Variants in MC2R observed in about 807,000 individuals in gnomAD.
The protein encoded by MC2R is adrenocorticotropic hormone receptor.
Under a neutral mutation model 9.8 loss-of-function variants are expected in MC2R, and 9 were observed. The ratio of observed to expected loss-of-function variants is 0.92; its 90% confidence interval spans 0.55 to 1.60. The LOEUF (loss-of-function observed/expected upper bound fraction) is 1.60. Among genes scored for constraint, MC2R ranks in the 40% most tolerant of loss-of-function variants. The probability of loss-of-function intolerance (pLI) is 0.00; values close to 1 mark genes in which losing one functional copy is unlikely to be tolerated. For missense variants in MC2R, 370 were observed against 389.0 expected (o/e 0.95, Z 0.41); for synonymous variants, 185 against 154.7 (o/e 1.20, Z -1.45).
At chr18:13,913,449 C>T (rs12456719) in intron 1 of MC2R, among the ~76,000 whole-genome samples, 79,655 of 152,028 alleles carry the variant, frequency 0.52, 22,056 homozygotes, top group African/African-American at 0.71. Context: ...ACATGTTGTT[C>T]TCCCACCAAG....
At chr18:13,889,341 GAT>G (rs1365104599) in intron 1 of MC2R, among the ~76,000 whole-genome samples, 3 of 152,210 alleles carry the variant, frequency 2.0e-5, no homozygotes, top group Non-Finnish European at 2.9e-5. Context: ...TGGGGTGGTG[GAT>G]GAGAAAGGAG....
At chr18:13,911,434 C>T (rs1189260436) in intron 1 of MC2R, among the ~76,000 whole-genome samples, 1 of 152,162 alleles carries the variant, frequency 6.6e-6, no homozygotes, top group East Asian at 1.9e-4. Context: ...GTTTAGTTAG[C>T]CAAACAAATG....
rs752471165 is a variant in MC2R, at chr18:13,884,876, T to C, written c.643A>G (p.Met215Val). The change falls in exon 2 of 2, where the codon ATG (methionine) becomes GTG (valine). Residue 215 changes from methionine to valine, a missense_variant. Coordinates refer to ENST00000327606, the MANE Select transcript of MC2R (RefSeq NM_000529.2). The part of the protein sequence containing the change: ...RKISTLPRAN[M>V]KGAITLTILL... ...ATGGTCAGTGTGATGGCCCCTTTCA[T>C]GTTGGCTCTGGGGAGGGTGGAGATC... 1 of 1,614,032 alleles carries C rather than the reference T, an allele frequency of 6.2e-7. No individual in the cohort carries two copies. Among genetic ancestry groups the C allele is most frequent in the Non-Finnish European group, 8.5e-7 (1 of 1,180,002 alleles).
At chr18:13,896,601 T>A (rs917880637) in intron 1 of MC2R, among the ~76,000 whole-genome samples, 1 of 152,194 alleles carries the variant, frequency 6.6e-6, no homozygotes, top group Non-Finnish European at 1.5e-5. Context: ...TTATTCAAAA[T>A]CCAGGTAGCA....
Position 13,894,038 on chromosome 18 carries a change from C to T in MC2R, c.-128-8392G>A, listed in dbSNP as rs74442597. ...AGTGATAATAAATCTCTGTGTCTCACCTCTGCTCACTCATCTTTCTCCTTA... is the reference window on the plus strand; with the variant it reads ...AGTGATAATAAATCTCTGTGTCTCATCTCTGCTCACTCATCTTTCTCCTTA... On this transcript the variant is annotated intron_variant, in intron 1 of 1. Coordinates refer to ENST00000327606, the MANE Select transcript of MC2R (RefSeq NM_000529.2). Among the ~76,000 whole-genome samples the T allele has an allele frequency of 1.8e-3, 268 of 152,258 alleles. 1 individual carries two copies. Among genetic ancestry groups the T allele is most frequent in the Non-Finnish European group, 2.5e-3 (171 of 68,030 alleles).
chr18:13,914,914 G>T (rs1941088), intron 1 of MC2R, among the ~76,000 whole-genome samples: 1 of 152,052 alleles, frequency 6.6e-6, no homozygotes, highest in African/African-American at 2.4e-5. Flanking sequence ...CCTGCACCCC[G>T]TGTTGCTGCC....
chr18:13,904,505 C>T (rs892621500), intron 1 of MC2R, among the ~76,000 whole-genome samples: 1 of 151,892 alleles, frequency 6.6e-6, no homozygotes, highest in Admixed American at 6.6e-5. Flanking sequence ...ACGATGCCCA[C>T]TTTTACCACT....
At position 13,884,729 on chromosome 18, in the gene MC2R, A is replaced by G; in HGVS notation, c.790T>C (p.Leu264=). The G allele has an allele frequency of 6.2e-7, 1 of 1,614,156 alleles. No individual in the cohort carries two copies. The highest frequency in any genetic ancestry group is 8.5e-7 in the Non-Finnish European group (1 of 1,180,022). ...TCAATGACGGCATTGCACATGATCA[A>G]CATGCCGTTCACCTGGAAGAGAGAC... The part of the protein sequence containing the change: ...YMSLFQVNGM[L]IMCNAVIDPF... Residue 264 remains leucine (L), a synonymous_variant, in exon 2 of 2, where the codon TTG becomes CTG. Transcript: ENST00000327606.
chr18:13,892,387 T>C (rs2045320358), intron 1 of MC2R, among the ~76,000 whole-genome samples: 1 of 152,156 alleles, frequency 6.6e-6, no homozygotes, highest in Admixed American at 6.5e-5. Context: ...TCAATAAGCC[T>C]GTAGGACTGG....
At chr18:13,913,620 G>GTGGGT (rs1436246360) in intron 1 of MC2R, among the ~76,000 whole-genome samples, 14 of 152,134 alleles carry the variant, frequency 9.2e-5, no homozygotes, top group Admixed American at 5.9e-4. Flanking sequence ...ACACTTTAAG[G>GTGGGT]CCCACTGGGT....
intron 1 of MC2R, among the ~76,000 whole-genome samples, chr18:13,913,389 A>G (rs1162442038): frequency 1.3e-5 from 2 of 152,046 alleles, no homozygotes; most frequent in African/African-American, 2.4e-5. Context: ...TGCTGCCCCC[A>G]GGTTTTGATG....
chr18:13,894,742 T>A (rs2045336614), intron 1 of MC2R, among the ~76,000 whole-genome samples: 1 of 152,234 alleles, frequency 6.6e-6, no homozygotes, highest in Non-Finnish European at 1.5e-5. Context: ...GGCCTCTTAT[T>A]GTCTCTAAGA....
chr18:13,904,624 C>CTACAGTAACCAAAACAGG (rs56050842), intron 1 of MC2R, among the ~76,000 whole-genome samples: 3,901 of 150,798 alleles, frequency 0.026, 136 homozygotes, highest in African/African-American at 0.088. Context: ...TACTACAAGG[C>CTACAGTAACCAAAACAGG]TACAGTAACC....
At chr18:13,909,906 A>G (rs563029296) in intron 1 of MC2R, among the ~76,000 whole-genome samples, 1 of 152,350 alleles carries the variant, frequency 6.6e-6, no homozygotes, top group South Asian at 2.1e-4. Context: ...ACTTGTTGCT[A>G]CTGGGGTGCC....
chr18:13,889,501 C>T lies in MC2R; in HGVS notation c.-128-3855G>A, dbSNP rs1220488198. On this transcript the variant is annotated intron_variant, in intron 1 of 1. Transcript: ENST00000327606. ...AAGGGACTGCAAGGAAAAGCAAAAC[C>T]GACTTTTGTTTTTTGGCTGGGAGGG... Among the ~76,000 whole-genome samples the T allele has an allele frequency of 3.3e-5, 5 of 152,172 alleles. No homozygotes were observed. The South Asian group carries it at 1.0e-3, about 32-fold the overall frequency.
chr18:13,913,265 T>C lies in MC2R; in HGVS notation c.-129+2223A>G, dbSNP rs2045456743. 2.0e-5 allele frequency among the ~76,000 whole-genome samples: 3 copies of C among 152,114 alleles called. No individual in the cohort carries two copies. In the South Asian group the frequency reaches 6.2e-4, roughly 32 times the overall value. On this transcript the variant is annotated intron_variant, in intron 1 of 1. Coordinates refer to ENST00000327606, the MANE Select transcript of MC2R (RefSeq NM_000529.2). ...GACCACCACCTTCCACCCGCTCACA[T>C]CTCCCGTCCTCTGAGCTTCACTGCT... is the stretch of plus-strand genomic sequence containing the variant.
chr18:13,885,046 C>T lies in MC2R; in HGVS notation c.473G>A (p.Cys158Tyr), dbSNP rs1445616372. 1 of 1,614,058 alleles carries T rather than the reference C, an allele frequency of 6.2e-7. No individual in the cohort carries two copies. Among genetic ancestry groups the T allele is most frequent in the African/African-American group, 1.3e-5 (1 of 74,912 alleles). ...CACCATGGTGATGCCAGTCCCCGTGCAGAACGTCCAGATGACCGTAAGCAC... is the reference window on the plus strand; with the variant it reads ...CACCATGGTGATGCCAGTCCCCGTGTAGAACGTCCAGATGACCGTAAGCAC... ...VVVLTVIWTF[C>Y]TGTGITMVIF... Residue 158 changes from cysteine (C) to tyrosine (Y), a missense_variant, in exon 2 of 2, where the codon TGC (cysteine) becomes TAC (tyrosine). Cys to Tyr is a radical substitution (Grantham distance 194, BLOSUM62 -2). Coordinates refer to ENST00000327606, the MANE Select transcript of MC2R (RefSeq NM_000529.2).
At chr18:13,900,221 C>T (rs543259481) in intron 1 of MC2R, among the ~76,000 whole-genome samples, 1 of 152,062 alleles carries the variant, frequency 6.6e-6, no homozygotes, top group South Asian at 2.1e-4. Flanking sequence ...ATAGTATTTG[C>T]AAGCCTCTTG....
chr18:13,890,491 G>A (rs2045309400), intron 1 of MC2R, among the ~76,000 whole-genome samples: 1 of 152,256 alleles, frequency 6.6e-6, no homozygotes, highest in South Asian at 2.1e-4. Context: ...GTGCTCCTGA[G>A]CTCTGGGTTC....
Sources: gnomAD v4.1 joint callset for allele counts (sites outside exome capture counted in the v4.1 genomes callset) on GRCh38, gnomAD v4.1.1 for gene constraint, MANE v1.5 for transcripts, NCBI Gene and HGNC (gene_info 2026-07-23, HGNC 2026-07-21) for gene names.